The following MIPOL1 variants were observed in gnomAD, a reference collection of about 807,000 sequenced individuals.
The protein encoded by MIPOL1 is mirror-image polydactyly 1.
Under a neutral mutation model 60.9 loss-of-function variants are expected in MIPOL1, and 57 were observed. The observed-to-expected ratio is 0.94, with a 90% CI of 0.76 to 1.17. MIPOL1 has a LOEUF of 1.17. Among genes scored for constraint, MIPOL1 ranks in the 50% most tolerant of loss-of-function variants. The probability of loss-of-function intolerance (pLI) is 0.00; values close to 1 mark genes in which losing one functional copy is unlikely to be tolerated. For missense variants in MIPOL1, 551 were observed against 511.6 expected (o/e 1.08, Z -0.74); for synonymous variants, 179 against 168.8 (o/e 1.06, Z -0.47).
chr14:37,329,946 A>G (rs2089520811), intron 9 of MIPOL1, among the ~76,000 whole-genome samples: 1 of 152,120 alleles, frequency 6.6e-6, no homozygotes, highest in Admixed American at 6.5e-5. Context: ...ATCATTAGCT[A>G]ACTACAGAGT....
At chr14:37,494,150 A>G (rs2095084256) in intron 11 of MIPOL1, among the ~76,000 whole-genome samples, 1 of 152,216 alleles carries the variant, frequency 6.6e-6, no homozygotes, top group Admixed American at 6.6e-5. Context: ...TTCCTATTGG[A>G]AAATTCCTTA....
chr14:37,452,235 C>G (rs1258215666), intron 11 of MIPOL1, among the ~76,000 whole-genome samples: 1 of 152,150 alleles, frequency 6.6e-6, no homozygotes, highest in East Asian at 1.9e-4. Flanking sequence ...AAATCTGGGA[C>G]TCAGCCAAGT....
Position 37,508,500 on chromosome 14 carries a change from AAAAT to A in MIPOL1, c.1262+8370_1262+8373del, listed in dbSNP as rs1384690185. Among the ~76,000 whole-genome samples, 4 of 152,320 alleles carry A rather than the reference AAAAT, an allele frequency of 2.6e-5. No individual in the cohort carries two copies. In the East Asian group the frequency reaches 5.8e-4, roughly 22 times the overall value. ...GTACAATGAACATATGTTTATGGTGAAAATAAATAAAGACCTTCATGTATCTTCA... is the reference window on the plus strand; with the variant it reads ...GTACAATGAACATATGTTTATGGTGAAAATAAAGACCTTCATGTATCTTCA... On this transcript the variant is annotated intron_variant, in intron 12 of 12. Coordinates refer to ENST00000684589, the MANE Select transcript of MIPOL1 (RefSeq NM_001388067.1).
At chr14:37,446,825 C>T (rs868072685) in intron 11 of MIPOL1, among the ~76,000 whole-genome samples, 200 of 148,208 alleles carry the variant, frequency 1.3e-3, no homozygotes, top group African/African-American at 4.8e-3. Flanking sequence ...ATTGCAAGGA[C>T]AAAAAACCAA....
At position 37,236,530 on chromosome 14, in the gene MIPOL1, G is replaced by A. The variant is rs537475369; in HGVS notation, c.-198-10573G>A. Among the ~76,000 whole-genome samples, 304 of 151,892 alleles carry A rather than the reference G, an allele frequency of 2.0e-3. 1 individual carries two copies. The highest frequency in any genetic ancestry group is 7.2e-3 in the African/African-American group (298 of 41,418). ...CGGCTCACTGCAGCCTCTGCCTCCC[G>A]GGTTCAAGCGATTCTCCTGCCTCAG... On this transcript the variant is annotated intron_variant, in intron 1 of 12. Transcript: ENST00000684589.
At chr14:37,499,348 A>G (rs1054633717) in intron 11 of MIPOL1, among the ~76,000 whole-genome samples, 5 of 152,176 alleles carry the variant, frequency 3.3e-5, no homozygotes, top group African/African-American at 1.2e-4. Flanking sequence ...AAATATACAC[A>G]TGTATATATG....
chr14:37,517,000 T>C (rs1258346332), intron 12 of MIPOL1, among the ~76,000 whole-genome samples: 1 of 152,148 alleles, frequency 6.6e-6, no homozygotes, highest in African/African-American at 2.4e-5. Context: ...AAAGTTACAC[T>C]AACATATAGA....
chr14:37,399,691 G>A (rs2093445000), intron 10 of MIPOL1: 1 of 152,122 alleles, frequency 6.6e-6, no homozygotes, highest in East Asian at 1.9e-4. Flanking sequence ...ATCACTAGGA[G>A]TGATGCAACA....
chr14:37,219,333 T>C lies in MIPOL1; in HGVS notation c.-199+21229T>C, dbSNP rs184185320. On this transcript the variant is annotated intron_variant, in intron 1 of 12. Coordinates refer to ENST00000684589, the MANE Select transcript of MIPOL1 (RefSeq NM_001388067.1). ...AGTAAAGGGTTCAAAGGAGCCTCAT[T>C]AAAGTTTGGTCAAGGCAAGATCCTT... Among the ~76,000 whole-genome samples, 410 of 152,288 alleles carry C rather than the reference T, an allele frequency of 2.7e-3. 1 individual carries two copies. Among genetic ancestry groups the C allele is most frequent in the Admixed American group, 4.6e-3 (70 of 15,294 alleles).
chr14:37,520,270 G>C (rs2095403533), intron 12 of MIPOL1, among the ~76,000 whole-genome samples: 1 of 152,098 alleles, frequency 6.6e-6, no homozygotes, highest in Non-Finnish European at 1.5e-5. Flanking sequence ...AGGTTGATTT[G>C]TATTCCCTGT....
At chr14:37,292,482 T>G (rs981530229) in intron 7 of MIPOL1, among the ~76,000 whole-genome samples, 14 of 141,546 alleles carry the variant, frequency 9.9e-5, no homozygotes, top group Admixed American at 3.6e-4. Context: ...TTTTTTTTTT[T>G]TTTTTTTTGA....
In MIPOL1 at chr14:37,346,268, A is replaced by G. The variant is rs114804685; in HGVS notation, c.829-23249A>G. Among the ~76,000 whole-genome samples, 773 of 152,238 alleles carry G rather than the reference A, an allele frequency of 5.1e-3. 5 individuals are homozygous for G. Among genetic ancestry groups the G allele is most frequent in the African/African-American group, 0.017 (726 of 41,566 alleles). On this transcript the variant is annotated intron_variant, in intron 9 of 12. Transcript: ENST00000684589. ...TGCTTGAACCCAGGAGGCGAAGGTT[A>G]TAGTGAGCTGAGATCGTGCCAATGC...
chr14:37,337,420 G>A (rs1470347408), intron 9 of MIPOL1, among the ~76,000 whole-genome samples: 1 of 120,440 alleles, frequency 8.3e-6, no homozygotes, highest in East Asian at 2.6e-4. Flanking sequence ...CAGGGCTGGT[G>A]TGCAGTGGTG....
intron 10 of MIPOL1, among the ~76,000 whole-genome samples, chr14:37,409,304 A>T (rs2153537693): frequency 6.6e-6 from 1 of 152,356 alleles, no homozygotes; most frequent in East Asian, 1.9e-4. Context: ...GCTATGTATG[A>T]AATGCTTAAA....
chr14:37,266,500 A>G (rs1225383942), intron 3 of MIPOL1, among the ~76,000 whole-genome samples: 1 of 152,218 alleles, frequency 6.6e-6, no homozygotes, highest in Admixed American at 6.5e-5. Context: ...CACTAACATA[A>G]CATTGTAAGT....
intron 9 of MIPOL1, among the ~76,000 whole-genome samples, chr14:37,309,757 G>T (rs2087136960): frequency 6.6e-6 from 1 of 151,264 alleles, no homozygotes; most frequent in South Asian, 2.1e-4. Context: ...TGTGATCTTG[G>T]CTCACTGCAG....
chr14:37,522,796 C>A (rs2095422783), intron 12 of MIPOL1, among the ~76,000 whole-genome samples: 1 of 151,810 alleles, frequency 6.6e-6, no homozygotes, highest in Non-Finnish European at 1.5e-5. Context: ...AATAATGAAT[C>A]CAGTGAATAG....
intron 1 of MIPOL1, among the ~76,000 whole-genome samples, chr14:37,226,752 C>A (rs1296197641): frequency 2.6e-5 from 4 of 152,050 alleles, no homozygotes; most frequent in Admixed American, 6.6e-5. Context: ...TGCAGTGAGC[C>A]ATGGTTGCAC....
chr14:37,385,729 A>G (rs1227606670), intron 10 of MIPOL1: 2 of 152,060 alleles, frequency 1.3e-5, no homozygotes, highest in Admixed American at 1.3e-4. Flanking sequence ...TAAAAAAAAG[A>G]TTTCTTCTCA....
Sources: allele counts gnomAD v4.1 joint callset (sites outside exome capture counted in the v4.1 genomes callset), GRCh38; gene constraint gnomAD v4.1.1; transcripts MANE v1.5; gene names NCBI Gene and HGNC (gene_info 2026-07-23, HGNC 2026-07-21).